SV2B: variants seen among roughly 807,000 people sequenced by gnomAD.
The protein encoded by SV2B is synaptic vesicle glycoprotein 2B.
SV2B carries 41 observed loss-of-function variants against 73.9 expected under a neutral mutation model. The observed-to-expected ratio is 0.56, with a 90% CI of 0.43 to 0.72. The LOEUF is 0.72. Among genes scored for constraint, SV2B ranks in the 30% least tolerant of loss-of-function variants. The pLI is 0.00. For missense variants in SV2B, 764 were observed against 857.8 expected, an observed-to-expected ratio of 0.89 and a Z score of 1.37; for synonymous variants, 314 against 314.2, an observed-to-expected ratio of 1.00 and a Z score of 0.01.
chr15:91,176,363 G>A (rs2044309298), intron 1 of SV2B, among the ~76,000 whole-genome samples: 2 of 151,610 alleles, frequency 1.3e-5, no homozygotes, highest in South Asian at 2.1e-4. Context: ...ATGTGCATGT[G>A]TCTTTATAGC....
At chr15:91,279,203 C>G (rs1465203381) in intron 9 of SV2B, among the ~76,000 whole-genome samples, 1 of 152,202 alleles carries the variant, frequency 6.6e-6, no homozygotes, top group Non-Finnish European at 1.5e-5. Context: ...ATAATCATCA[C>G]ACTAAATTTT....
chr15:91,267,778 A>T lies in SV2B; in HGVS notation c.1208+135A>T. The T allele has an allele frequency of 1.4e-6, 1 of 713,874 alleles. No individual in the cohort carries two copies. The highest frequency in any genetic ancestry group is 2.4e-6 in the Non-Finnish European group (1 of 409,362). 44.2% of individuals were successfully genotyped at this position (713,874 alleles called of 1,614,324 possible). The stretch of plus-strand genomic sequence containing the variant: ...TTTGGTGGCAAGTAGCAGAAAACCA[A>T]CTCTAGTGGCTTCTACAAAGAAGAA... On this transcript the variant is annotated intron_variant, in intron 8 of 12. Transcript: ENST00000394232. The surrounding 1 kb of genome is among the most constrained non-coding windows in gnomAD (Gnocchi z 4.3).
intron 4 of SV2B, among the ~76,000 whole-genome samples, chr15:91,257,497 G>T (rs190273810): frequency 6.6e-4 from 100 of 152,336 alleles, no homozygotes; most frequent in East Asian, 7.7e-4. Flanking sequence ...TTTGAATAAT[G>T]ATGATTGAAT....
chr15:91,186,074 A>G (rs1018922936), intron 1 of SV2B, among the ~76,000 whole-genome samples: 2 of 152,182 alleles, frequency 1.3e-5, no homozygotes, highest in African/African-American at 4.8e-5. Context: ...CAATGGTATT[A>G]TTCTTCTCTG....
intron 1 of SV2B, among the ~76,000 whole-genome samples, chr15:91,146,129 A>G (rs2043139611): frequency 6.6e-6 from 1 of 152,126 alleles, no homozygotes; most frequent in Non-Finnish European, 1.5e-5. Flanking sequence ...TTACATTTAC[A>G]TCTTTAATAC....
chr15:91,275,842 A>C (rs1290911549), intron 9 of SV2B, among the ~76,000 whole-genome samples: 1 of 152,122 alleles, frequency 6.6e-6, no homozygotes, highest in African/African-American at 2.4e-5. Flanking sequence ...AAAGAGGAAA[A>C]TGTACTTAAC....
chr15:91,301,290 A>G lies in SV2B; in HGVS notation c.*8738A>G, dbSNP rs1370615155. On this transcript the variant is annotated 3_prime_UTR_variant, in exon 13 of 13. Transcript: ENST00000394232. This position sits in a 1 kb window ranked among gnomAD's most constrained non-coding sequence, Gnocchi z 4.3. ...CTGAATTATTAAACTGATGCTATAAATGTGAACTGACAAAACCCACTTTTG... is the reference window on the plus strand; with the variant it reads ...CTGAATTATTAAACTGATGCTATAAGTGTGAACTGACAAAACCCACTTTTG... 1 of 152,238 alleles carries G rather than the reference A, an allele frequency of 6.6e-6. No individual in the cohort carries two copies. The highest frequency in any genetic ancestry group is 1.5e-5 in the Non-Finnish European group (1 of 68,044). The allele number at this position is 152,238 out of a possible 1,614,324, so 9.4% of individuals were successfully genotyped here.
chr15:91,251,667 A>T, intron 2 of SV2B, 152 bp from the exon 3 acceptor site: 1 of 980,824 alleles, frequency 1.0e-6, no homozygotes, highest in Non-Finnish European at 1.5e-6. Flanking sequence ...TAGCACTTCC[A>T]ATTTGCCACA....
Position 91,226,048 on chromosome 15 carries a change from G to T in SV2B, c.-216G>T, listed in dbSNP as rs1029593748. On this transcript the variant is annotated 5_prime_UTR_variant, in exon 2 of 13. Coordinates refer to ENST00000394232, the MANE Select transcript of SV2B (RefSeq NM_001323032.3). ...ACTTTCCAGACTTCCAACAGACATCGAGTGCAAAAGGATATTTAGGTTGTC... is the reference window on the plus strand; with the variant it reads ...ACTTTCCAGACTTCCAACAGACATCTAGTGCAAAAGGATATTTAGGTTGTC... 1.8e-6 allele frequency: 1 copy of T among 560,998 alleles called. No individual in the cohort carries two copies. Among genetic ancestry groups the T allele is most frequent in the Non-Finnish European group, 3.1e-6 (1 of 320,828 alleles). The allele number at this position is 560,998 out of a possible 1,614,324, so 34.8% of individuals were successfully genotyped here.
intron 1 of SV2B, among the ~76,000 whole-genome samples, chr15:91,182,742 G>C (rs2044629555): frequency 6.6e-6 from 1 of 152,120 alleles, no homozygotes; most frequent in South Asian, 2.1e-4. Context: ...TTCATTATAG[G>C]AACCTCATCG....
At position 91,258,207 on chromosome 15, in the gene SV2B, GA is replaced by G. The variant is rs1193765077; in HGVS notation, c.785-211del. Among the ~76,000 whole-genome samples the G allele has an allele frequency of 6.6e-6, 1 of 152,180 alleles. No individual in the cohort carries two copies. Among genetic ancestry groups the G allele is most frequent in the Non-Finnish European group, 1.5e-5 (1 of 68,042 alleles). On this transcript the variant is annotated intron_variant, in intron 4 of 12. Coordinates refer to ENST00000394232, the MANE Select transcript of SV2B (RefSeq NM_001323032.3). This position sits in a 1 kb window ranked among gnomAD's most constrained non-coding sequence, Gnocchi z 4.7. ...TCAGAATGCAGAATTTGCAATGTGA[GA>G]AATATCATTTTGCAGATTTGTCAAG...
At position 91,290,427 on chromosome 15, in the gene SV2B, T is replaced by C. The variant is rs2049003602; in HGVS notation, c.1868+747T>C. On this transcript the variant is annotated intron_variant, in intron 12 of 12. Coordinates refer to ENST00000394232, the MANE Select transcript of SV2B (RefSeq NM_001323032.3). The surrounding 1 kb of genome is among the most constrained non-coding windows in gnomAD (Gnocchi z 4.7). ...CCTCTCATTTGAATCAAAGAACTGC[T>C]AAGTTTTACACAAAATAACAGGAGG... 6.6e-6 allele frequency among the ~76,000 whole-genome samples: 1 copy of C among 152,194 alleles called. No individual in the cohort carries two copies. Among genetic ancestry groups the C allele is most frequent in the Non-Finnish European group, 1.5e-5 (1 of 68,036 alleles).
intron 9 of SV2B, among the ~76,000 whole-genome samples, chr15:91,272,479 G>A (rs2048346519): frequency 6.6e-6 from 1 of 152,034 alleles, no homozygotes; most frequent in Non-Finnish European, 1.5e-5. Context: ...GTGATAGGTC[G>A]TGACCCAGGA....
chr15:91,268,050 T>A lies in SV2B; in HGVS notation c.1209-391T>A, dbSNP rs1353674487. 6.6e-6 allele frequency among the ~76,000 whole-genome samples: 1 copy of A among 152,144 alleles called. No homozygotes were observed. The highest frequency in any genetic ancestry group is 2.4e-5 in the African/African-American group (1 of 41,428). Reference sequence around the variant, plus strand: ...ATTCCTGACCTCAAGTGATCTGCCTTCCTTGGCCTCCCAAAGTGCTGGGAT... The same window carrying A: ...ATTCCTGACCTCAAGTGATCTGCCTACCTTGGCCTCCCAAAGTGCTGGGAT... On this transcript the variant is annotated intron_variant, in intron 8 of 12. Transcript: ENST00000394232. This position sits in a 1 kb window ranked among gnomAD's most constrained non-coding sequence, Gnocchi z 4.4.
At chr15:91,216,211 A>T (rs2046019933) in intron 1 of SV2B, among the ~76,000 whole-genome samples, 1 of 152,174 alleles carries the variant, frequency 6.6e-6, no homozygotes, top group African/African-American at 2.4e-5. Context: ...CCACGGGTTG[A>T]TGTAATCTAC....
In SV2B at chr15:91,110,230, C is replaced by T. The variant is rs1441167075; in HGVS notation, c.-392+9867C>T. On this transcript the variant is annotated intron_variant, in intron 1 of 12. Transcript: ENST00000394232. This position sits in a 1 kb window ranked among gnomAD's most constrained non-coding sequence, Gnocchi z 5.4. ...TTTATAAGAAAAGAGGTTTAATTGG[C>T]TCCTGGATTCATACAGTAAGTTAAT... Among the ~76,000 whole-genome samples the T allele has an allele frequency of 2.6e-5, 4 of 152,180 alleles. No individual in the cohort carries two copies. The highest frequency in any genetic ancestry group is 4.4e-5 in the Non-Finnish European group (3 of 68,050).
intron 1 of SV2B, among the ~76,000 whole-genome samples, chr15:91,199,826 A>T (rs921139097): frequency 2.0e-5 from 3 of 152,184 alleles, no homozygotes; most frequent in Non-Finnish European, 4.4e-5. Flanking sequence ...GGCCTGTGTG[A>T]TGATGATGAG....
At chr15:91,167,935 T>C (rs1350458678) in intron 1 of SV2B, among the ~76,000 whole-genome samples, 1 of 152,126 alleles carries the variant, frequency 6.6e-6, no homozygotes, top group Non-Finnish European at 1.5e-5. Context: ...TCCTGTAGGC[T>C]CTGGATCCAA....
chr15:91,211,116 A>G, intron 1 of SV2B, among the ~76,000 whole-genome samples: 1 of 152,242 alleles, frequency 6.6e-6, no homozygotes, highest in Non-Finnish European at 1.5e-5. Context: ...GTATGGCCAA[A>G]TCAACGGCAG....
Sources: allele counts gnomAD v4.1 joint callset (sites outside exome capture counted in the v4.1 genomes callset), GRCh38; gene constraint gnomAD v4.1.1; non-coding constraint Gnocchi (gnomAD v3.1); transcripts MANE v1.5; gene names NCBI Gene and HGNC (gene_info 2026-07-23, HGNC 2026-07-21).